Variants in HCFC1 observed in about 807,000 individuals in gnomAD.
The protein encoded by HCFC1 is host cell factor 1.
A neutral mutation model predicts 105.5 loss-of-function variants in HCFC1; 7 were observed. That is an observed-to-expected ratio of 0.07 (90% CI 0.04 to 0.12). The LOEUF is 0.12. Ranked by LOEUF, HCFC1 falls within the 10% of genes least tolerant of loss-of-function variation. The pLI is 1.00. For missense variants in HCFC1, 1,065 were observed against 1,823.6 expected (o/e 0.58, Z 7.58); for synonymous variants, 918 against 828.1 (o/e 1.11, Z -1.86).
chrX:153,960,791 G>T (rs187662937), intron 6 of HCFC1, among the ~76,000 whole-genome samples: 1 of 112,382 alleles, frequency 8.9e-6, no homozygotes, highest in Non-Finnish European at 1.9e-5. Context: ...AACCATCGGC[G>T]CCTGGCATTT....
rs1362015008 is a variant in HCFC1, at chrX:153,963,438, C to T, written c.504-5G>A. 8.4e-6 allele frequency: 10 copies of T among 1,186,018 alleles called. No homozygotes were observed. Among genetic ancestry groups the T allele is most frequent in the Admixed American group, 2.2e-5 (1 of 45,894 alleles). ...ATATATAAGTCATTCAGGTACCTGACGAGGAAAGATCAGTTACGGCAAGTC... is the reference window on the plus strand; with the variant it reads ...ATATATAAGTCATTCAGGTACCTGATGAGGAAAGATCAGTTACGGCAAGTC... On this transcript the variant is annotated splice_polypyrimidine_tract_variant and splice_region_variant and intron_variant, in intron 3 of 25. Transcript: ENST00000310441.
chrX:153,959,297 G>T, intron 9 of HCFC1, 34 bp downstream of exon 9: 1 of 1,174,698 alleles, frequency 8.5e-7, no homozygotes, highest in Non-Finnish European at 1.1e-6. Flanking sequence ...TGGATCAACA[G>T]GAAATCCCAC....
At chrX:153,964,491 C>T (rs918431848) in intron 2 of HCFC1, 87 bp downstream of exon 2, 3 of 1,030,046 alleles carry the variant, frequency 2.9e-6, no homozygotes, top group South Asian at 2.4e-5. Context: ...GCGTCCCTTC[C>T]ACCTCCCGCT....
In HCFC1 at chrX:153,949,067, G is replaced by A. The variant is rs1420027023; in HGVS notation, c.*280C>T. The A allele has an allele frequency of 4.8e-5, 12 of 250,399 alleles. No homozygotes were observed. Among genetic ancestry groups the A allele is most frequent in the East Asian group, 7.3e-5 (1 of 13,717 alleles). 20.6% of individuals were successfully genotyped at this position (250,399 alleles called of 1,213,427 possible). A position where few individuals can be genotyped will look rare whatever the true frequency, so the allele number is the denominator to read the frequency against. The stretch of plus-strand genomic sequence containing the variant: ...GTCCTCAGCTCCGCCTTCCCTCCCC[G>A]CAAAAGTCTCTCCCCAGGGTGGGCG... On this transcript the variant is annotated 3_prime_UTR_variant, in exon 26 of 26. Coordinates refer to ENST00000310441, the MANE Select transcript of HCFC1 (RefSeq NM_005334.3).
At position 153,971,331 on chromosome X, in the gene HCFC1, G is replaced by A; in HGVS notation, c.-491C>T. On this transcript the variant is annotated 5_prime_UTR_variant, in exon 1 of 26. Transcript: ENST00000310441. ...CAAGCGCCGCGGTCGTCGCAGCCCC[G>A]CCGGCGCTCAGACCACAATTGTGGG... 1 of 298,089 alleles carries A rather than the reference G, an allele frequency of 3.4e-6. No homozygotes were observed. Among genetic ancestry groups the A allele is most frequent in the Non-Finnish European group, 5.9e-6 (1 of 170,589 alleles). 24.6% of individuals were successfully genotyped at this position (298,089 alleles called of 1,213,427 possible).
In HCFC1 at chrX:153,951,374, T is replaced by C. The variant is rs1557112390; in HGVS notation, c.5493A>G (p.Pro1831=). The change falls in exon 22 of 26, where the codon CCA becomes CCG. Residue 1831 remains proline, a synonymous_variant. Coordinates refer to ENST00000310441, the MANE Select transcript of HCFC1 (RefSeq NM_005334.3). ...TNVMVTHYFL[P]PDDAVPSDDD... is the part of the protein sequence containing the mutation. ...CGTCTGATGGGACAGCATCATCTGG[T>C]GGCAGGAAATAGTGTGTCACCATTA... 1 of 1,211,155 alleles carries C rather than the reference T, an allele frequency of 8.3e-7. No individual in the cohort carries two copies. The highest frequency in any genetic ancestry group is 2.2e-5 in the Admixed American group (1 of 46,037).
intron 12 of HCFC1, 31 bp from the exon 13 acceptor site, chrX:153,957,564 C>T: frequency 1.8e-6 from 2 of 1,091,183 alleles, no homozygotes; most frequent in African/African-American, 1.8e-5. Flanking sequence ...CATGAGCCGG[C>T]ATCACTGCCA....
intron 1 of HCFC1, chrX:153,969,864 T>A (rs2065509094): frequency 8.9e-6 from 1 of 112,361 alleles, no homozygotes; most frequent in African/African-American, 3.2e-5. Flanking sequence ...CGCTGAGGGG[T>A]AACTGGAATT....
intron 23 of HCFC1, 77 bp downstream of exon 23, chrX:153,950,736 C>CT: frequency 9.7e-7 from 1 of 1,034,040 alleles, no homozygotes; most frequent in Non-Finnish European, 1.3e-6. Context: ...TCTCCTATGC[C>CT]CCCCCCCGGC....
chrX:153,948,026 T>C lies in HCFC1; in HGVS notation c.*1321A>G, dbSNP rs1473135365. ...GCCTGCTCCATTGCCCTAGCCTCCC[T>C]TGTGGGTGACACTACACAGTCACCC... is the stretch of plus-strand genomic sequence containing the variant. On this transcript the variant is annotated 3_prime_UTR_variant, in exon 26 of 26. Coordinates refer to ENST00000310441, the MANE Select transcript of HCFC1 (RefSeq NM_005334.3). 1.8e-5 allele frequency: 2 copies of C among 111,972 alleles called. No individual in the cohort carries two copies. Among genetic ancestry groups the C allele is most frequent in the African/African-American group, 6.5e-5 (2 of 30,779 alleles). The allele number at this position is 111,972 out of a possible 1,213,427, so 9.2% of individuals were successfully genotyped here.
Position 153,954,406 on chromosome X carries a change from G to A in HCFC1, c.3993C>T (p.His1331=). The A allele has an allele frequency of 1.7e-6, 2 of 1,211,443 alleles. No individual in the cohort carries two copies. Among genetic ancestry groups the A allele is most frequent in the Non-Finnish European group, 2.2e-6 (2 of 895,114 alleles). ...CGTTTGAAGTAGCGGTGGTGGCCGTGTGGGTGGTGCCCGTCTCGTGGGTCT... is the reference window on the plus strand; with the variant it reads ...CGTTTGAAGTAGCGGTGGTGGCCGTATGGGTGGTGCCCGTCTCGTGGGTCT... ...PCETHETGTT[H]TATTATSNGG... is the part of the protein sequence containing the mutation. Residue 1331 remains histidine, a synonymous_variant, in exon 17 of 26, where the codon CAC becomes CAT. Coordinates refer to ENST00000310441, the MANE Select transcript of HCFC1 (RefSeq NM_005334.3).
At position 153,960,395 on chromosome X, in the gene HCFC1, G is replaced by T; in HGVS notation, c.924C>A (p.Thr308=). Residue 308 remains threonine (T), a synonymous_variant, in exon 7 of 26, where the codon ACC becomes ACA. Transcript: ENST00000310441. ...TGTCCTCCAGTGTATCCATCAGGAT[G>T]GTCTCCCAGGCCATGGTATCTGGGG... ...CLNLDTMAWE[T]ILMDTLEDNI... 8.4e-7 allele frequency: 1 copy of T among 1,197,087 alleles called. No homozygotes were observed. Among genetic ancestry groups the T allele is most frequent in the Non-Finnish European group, 1.1e-6 (1 of 886,612 alleles).
Position 153,958,763 on chromosome X carries a change from T to C in HCFC1, c.1609A>G (p.Ile537Val). Residue 537 changes from isoleucine to valine, a missense_variant, in exon 10 of 26, where the codon ATT (isoleucine) becomes GTT (valine). Physicochemically the swap from Ile to Val is conservative, Grantham distance 29 (BLOSUM62 3). Transcript: ENST00000310441. ...VPTQSAQGTV[I>V]GSSPQMSGMA... ...CCACTCATCTGTGGGCTACTGCCAA[T>C]CACCTGCAGCAGGCACGGGCATGTG... is the stretch of plus-strand genomic sequence containing the variant. 8.6e-7 allele frequency: 1 copy of C among 1,158,291 alleles called. No individual in the cohort carries two copies. Among genetic ancestry groups the C allele is most frequent in the Non-Finnish European group, 1.2e-6 (1 of 865,616 alleles).
At chrX:153,950,780 A>C in intron 23 of HCFC1, 33 bp downstream of exon 23, 1 of 1,194,073 alleles carries the variant, frequency 8.4e-7, no homozygotes, top group Non-Finnish European at 1.1e-6. Flanking sequence ...GAAACCAACC[A>C]GGGACAGACG....
At chrX:153,953,851 A>G in intron 17 of HCFC1, 81 bp from the exon 18 acceptor site, 4 of 1,033,853 alleles carry the variant, frequency 3.9e-6, no homozygotes, top group Middle Eastern at 3.7e-4. Flanking sequence ...GGCTTCCTCT[A>G]CCACCAAGGG....
At chrX:153,958,921 C>A (rs2065403250) in intron 9 of HCFC1, among the ~76,000 whole-genome samples, 155 bp from the exon 10 acceptor site, 1 of 112,891 alleles carries the variant, frequency 8.9e-6, no homozygotes, top group Non-Finnish European at 1.9e-5. Flanking sequence ...ACCCCGCTCT[C>A]CTGGCCCCAG....
In HCFC1 at chrX:153,971,509, G is replaced by A; in HGVS notation, c.-669C>T. On this transcript the variant is annotated 5_prime_UTR_variant, in exon 1 of 26. It adds an upstream start codon to the 5' untranslated region. Coordinates refer to ENST00000310441, the MANE Select transcript of HCFC1 (RefSeq NM_005334.3). ...CGAGGGCCGTTTGGGGGCTCGCGCCGTACGGCTTGTGAAGTCTCGCGCCTC... is the reference window on the plus strand; with the variant it reads ...CGAGGGCCGTTTGGGGGCTCGCGCCATACGGCTTGTGAAGTCTCGCGCCTC... 3.4e-6 allele frequency: 1 copy of A among 294,092 alleles called. No homozygotes were observed. The highest frequency in any genetic ancestry group is 9.0e-4 in the Middle Eastern group (1 of 1,113). The allele number at this position is 294,092 out of a possible 1,213,427, so 24.2% of individuals were successfully genotyped here.
chrX:153,961,506 C>A (rs782253680), intron 6 of HCFC1, 36 bp downstream of exon 6: 1 of 1,030,569 alleles, frequency 9.7e-7, no homozygotes, highest in African/African-American at 1.8e-5. Flanking sequence ...CTCCTGCAGC[C>A]TCCCACAGGC....
chrX:153,953,688 G>T lies in HCFC1; in HGVS notation c.4416C>A (p.Ile1472=). 8.3e-7 allele frequency: 1 copy of T among 1,210,523 alleles called. No homozygotes were observed. The highest frequency in any genetic ancestry group is 3.0e-5 in the East Asian group (1 of 33,847). The change falls in exon 18 of 26, where the codon ATC becomes ATA. Residue 1472 remains isoleucine, a synonymous_variant. Coordinates refer to ENST00000310441, the MANE Select transcript of HCFC1 (RefSeq NM_005334.3). ...DSVNITSSSA[I]TTTVSSTLTR... is the part of the protein sequence containing the mutation. Reference sequence around the variant, plus strand: ...TCAGTGTGGAGGACACGGTTGTCGTGATGGCACTGGAGCTGGTGATGTTCA... The same window carrying T: ...TCAGTGTGGAGGACACGGTTGTCGTTATGGCACTGGAGCTGGTGATGTTCA...
Sources: allele counts gnomAD v4.1 joint callset (sites outside exome capture counted in the v4.1 genomes callset), GRCh38; gene constraint gnomAD v4.1.1; transcripts MANE v1.5; gene names NCBI Gene and HGNC (gene_info 2026-07-23, HGNC 2026-07-21).